The following TERF1 variants were observed in gnomAD, a reference collection of about 807,000 sequenced individuals.
TERF1 encodes telomeric repeat binding factor 1, also known as telomeric repeat-binding factor 1.
TERF1 carries 20 observed loss-of-function variants against 55.1 expected under a neutral mutation model. The ratio of observed to expected loss-of-function variants is 0.36; its 90% CI spans 0.26 to 0.53. TERF1 has a LOEUF of 0.53. TERF1 is among the 20% of genes least tolerant of loss of function. The pLI, the probability that TERF1 is intolerant of heterozygous loss-of-function variation, is 0.91. For missense variants in TERF1, 439 were observed against 535.7 expected, an observed-to-expected ratio of 0.82 and a Z score of 1.78; for synonymous variants, 168 against 181.2, an observed-to-expected ratio of 0.93 and a Z score of 0.59.
intron 8 of TERF1, among the ~76,000 whole-genome samples, chr8:73,034,520 TG>T (rs1348801484): frequency 6.6e-6 from 1 of 152,166 alleles, no homozygotes; most frequent in African/African-American, 2.4e-5. Context: ...TTGCTGTAAT[TG>T]TGCTGAGATT....
chr8:73,018,651 G>A (rs1462364300), intron 2 of TERF1, among the ~76,000 whole-genome samples: 2 of 152,042 alleles, frequency 1.3e-5, no homozygotes, highest in Non-Finnish European at 2.9e-5. Flanking sequence ...ACTCCAGCCT[G>A]GTCAAAAGAG....
At chr8:73,033,742 C>A (rs950933752) in intron 8 of TERF1, among the ~76,000 whole-genome samples, 5 of 152,084 alleles carry the variant, frequency 3.3e-5, no homozygotes, top group African/African-American at 1.2e-4. Context: ...TCAGCAAACT[C>A]GAAGACTATA....
chr8:73,042,742 G>T (rs1809883212), intron 9 of TERF1, among the ~76,000 whole-genome samples: 1 of 152,162 alleles, frequency 6.6e-6, no homozygotes, highest in Admixed American at 6.6e-5. Flanking sequence ...ATACAGTGCA[G>T]ATCTGAGTTA....
At chr8:73,028,964 T>A (rs1049062226) in intron 6 of TERF1, among the ~76,000 whole-genome samples, 1 of 152,164 alleles carries the variant, frequency 6.6e-6, no homozygotes. Flanking sequence ...CAGGCATACA[T>A]TAGAACTTGC....
intron 8 of TERF1, among the ~76,000 whole-genome samples, chr8:73,037,959 AT>A (rs1228028498): frequency 1.5e-5 from 2 of 135,264 alleles, no homozygotes; most frequent in East Asian, 2.0e-4. Context: ...ACATATATAT[AT>A]TTTTCCCCCC....
intron 6 of TERF1, among the ~76,000 whole-genome samples, chr8:73,027,927 A>G (rs2981096): frequency 0.03 from 4,638 of 152,106 alleles, 103 homozygotes; most frequent in Non-Finnish European, 0.047. Context: ...GGCCCCTCCT[A>G]TTGTTCCTGC....
intron 8 of TERF1, among the ~76,000 whole-genome samples, chr8:73,037,735 T>C: frequency 1.1e-5 from 1 of 87,714 alleles, no homozygotes; most frequent in African/African-American, 4.9e-5. Context: ...TTATATAGTA[T>C]GAAATATATA....
At position 73,010,455 on chromosome 8, in the gene TERF1, G is replaced by T. The variant is rs55902413; in HGVS notation, c.319+1250G>T. 2.6e-5 allele frequency: 4 copies of T among 152,286 alleles called. No individual in the cohort carries two copies. The South Asian group carries it at 8.3e-4, about 32-fold the overall frequency. 9.4% of individuals were successfully genotyped at this position (152,286 alleles called of 1,614,324 possible). A position where few individuals can be genotyped will look rare whatever the true frequency, so the allele number is the denominator to read the frequency against. ...AGTATGAACTGTTTAGCTCATGTAG[G>T]TATAGATGACTTAGAAATATTTGCA... On this transcript the variant is annotated intron_variant, in intron 1 of 9. Coordinates refer to ENST00000276603, the MANE Select transcript of TERF1 (RefSeq NM_017489.3).
rs1284914504 is a variant in TERF1 at position 73,024,965 on chromosome 8, A to G, written c.768A>G (p.Leu256=). 2 of 1,554,380 alleles carry G rather than the reference A, an allele frequency of 1.3e-6. No homozygotes were observed. The highest frequency in any genetic ancestry group is 1.4e-5 in the African/African-American group (1 of 73,470). The stretch of plus-strand genomic sequence containing the variant: ...TAAGTGAAAAATCATCAACCTTTCT[A>G]ATGAAGGTATACATATTATTCAAGA... The part of the protein sequence containing the change: ...YVLSEKSSTF[L]MKAAAKVVES... The change falls in exon 5 of 10, where the codon CTA becomes CTG. Residue 256 remains leucine, a synonymous_variant. Transcript: ENST00000276603.
intron 8 of TERF1, among the ~76,000 whole-genome samples, chr8:73,038,056 G>T (rs904134798): frequency 6.7e-6 from 1 of 148,878 alleles, no homozygotes; most frequent in Non-Finnish European, 1.5e-5. Context: ...AGGTAGGTAA[G>T]TAGATAGGTA....
intron 9 of TERF1, among the ~76,000 whole-genome samples, chr8:73,044,477 C>A (rs1809956630): frequency 6.6e-6 from 1 of 152,118 alleles, no homozygotes; most frequent in Admixed American, 6.6e-5. Context: ...TTCAGGCCAC[C>A]TTGAATTCTT....
At chr8:73,022,067 A>G in intron 3 of TERF1, 149 bp from the exon 4 acceptor site, 2 of 505,516 alleles carry the variant, frequency 4.0e-6, no homozygotes, top group Non-Finnish European at 6.9e-6. Flanking sequence ...TTGAAAAATA[A>G]TTTTATATCT....
At chr8:73,018,606 G>A (rs1203639795) in intron 2 of TERF1, among the ~76,000 whole-genome samples, 4 of 152,196 alleles carry the variant, frequency 2.6e-5, no homozygotes, top group Non-Finnish European at 5.9e-5. Flanking sequence ...AACCCAGGGG[G>A]CGGAGGTTGC....
chr8:73,015,757 G>T (rs554987359), intron 2 of TERF1, among the ~76,000 whole-genome samples: 2 of 152,284 alleles, frequency 1.3e-5, no homozygotes, highest in East Asian at 3.9e-4. Context: ...AGCCCAGGAG[G>T]TTGAGGCTGT....
At chr8:73,045,900 G>A (rs2129935982) in intron 9 of TERF1, 61 bp from the exon 10 acceptor site, 1 of 1,310,234 alleles carries the variant, frequency 7.6e-7, no homozygotes, top group South Asian at 1.9e-5. Context: ...GGCATTTATA[G>A]TAGGTATTTT....
rs909485611 is a variant in TERF1 at position 73,018,285 on chromosome 8, G to C, written c.416-2399G>C. On this transcript the variant is annotated intron_variant, in intron 2 of 9. Transcript: ENST00000276603. ...AATGTTGGAAAAACAATTTGGAGAGGACAACAGGAAATAAAGTAAAAATAT... is the reference window on the plus strand; with the variant it reads ...AATGTTGGAAAAACAATTTGGAGAGCACAACAGGAAATAAAGTAAAAATAT... Among the ~76,000 whole-genome samples the C allele has an allele frequency of 3.3e-5, 5 of 152,232 alleles. No individual in the cohort carries two copies. In the East Asian group the frequency reaches 9.6e-4, roughly 29 times the overall value.
At position 73,025,961 on chromosome 8, in the gene TERF1, G is replaced by C. The variant is rs146362683; in HGVS notation, c.775-979G>C. Among the ~76,000 whole-genome samples, 539 of 146,120 alleles carry C rather than the reference G, an allele frequency of 3.7e-3. 6 individuals are homozygous for C. The highest frequency in any genetic ancestry group is 0.013 in the African/African-American group (516 of 39,474). ...TGTAATCCCAGCACTTTGGGAGGCC[G>C]AAATGGGTAGATCGCTTGATCCCAG... On this transcript the variant is annotated intron_variant, in intron 5 of 9. Transcript: ENST00000276603.
In TERF1 at chr8:73,043,499, GTATTT is replaced by G. The variant is rs1210531516; in HGVS notation, c.1144-2458_1144-2454del. On this transcript the variant is annotated intron_variant, in intron 9 of 9. Transcript: ENST00000276603. The stretch of plus-strand genomic sequence containing the variant: ...GATTTATAATATATTTATTACTAAT[GTATTT>G]TATGTATATTTCACATACATAGTTT... 4.6e-5 allele frequency among the ~76,000 whole-genome samples: 7 copies of G among 152,138 alleles called. No homozygotes were observed. In the East Asian group the frequency reaches 1.4e-3, roughly 29 times the overall value.
chr8:73,040,653 T>C (rs1047948151), intron 9 of TERF1, among the ~76,000 whole-genome samples: 1 of 152,188 alleles, frequency 6.6e-6, no homozygotes. Context: ...GTCTTTAGTT[T>C]TGGAAAATGC....
Sources: allele counts gnomAD v4.1 joint callset (sites outside exome capture counted in the v4.1 genomes callset), GRCh38; gene constraint gnomAD v4.1.1; transcripts MANE v1.5; gene names NCBI Gene and HGNC (gene_info 2026-07-23, HGNC 2026-07-21).